FNBP1: variants seen among roughly 807,000 people sequenced by gnomAD.
The protein encoded by FNBP1 is formin binding protein 1.
In FNBP1, 26 loss-of-function variants were observed where a neutral mutation model predicts 90.6. That is an observed-to-expected ratio of 0.29 (90% CI 0.21 to 0.40). The LOEUF is 0.40. Ranked by LOEUF, FNBP1 falls within the 10% of genes least tolerant of loss-of-function variation. The pLI is 1.00. For synonymous variants in FNBP1, 260 were observed against 265.2 expected (o/e 0.98, Z 0.19); for missense variants, 635 against 768.0 (o/e 0.83, Z 2.05).
intron 2 of FNBP1, among the ~76,000 whole-genome samples, chr9:129,982,852 C>T (rs774244964): frequency 2.6e-5 from 4 of 152,092 alleles, no homozygotes; most frequent in Non-Finnish European, 4.4e-5. Context: ...TCTGTAGAGA[C>T]AGAGTCTTGC....
At chr9:129,989,421 C>T (rs56094421) in intron 2 of FNBP1, among the ~76,000 whole-genome samples, 1,619 of 152,220 alleles carry the variant, frequency 0.011, 42 homozygotes, top group African/African-American at 0.037. Context: ...CATAATTCCC[C>T]ATAAAGCAAA....
At chr9:129,990,076 A>G (rs1420505896) in intron 2 of FNBP1, among the ~76,000 whole-genome samples, 2 of 152,132 alleles carry the variant, frequency 1.3e-5, no homozygotes, top group African/African-American at 4.8e-5. Context: ...TTGCTAGAAG[A>G]GTAGATTTTA....
intron 6 of FNBP1, among the ~76,000 whole-genome samples, chr9:129,950,017 G>A (rs1233395731): frequency 6.6e-6 from 1 of 152,162 alleles, no homozygotes; most frequent in Non-Finnish European, 1.5e-5. Flanking sequence ...AATACAATTA[G>A]ATAATTTAAT....
rs189125591 is a variant in FNBP1 at position 129,993,838 on chromosome 9, G to A, written c.140+1005C>T. On this transcript the variant is annotated intron_variant, in intron 2 of 16. Coordinates refer to ENST00000446176, the MANE Select transcript of FNBP1 (RefSeq NM_015033.3). ...CGGGGTTTCACCATGTTGGCCAGGC[G>A]GGTCTCGAACTCCTGACCTCAGGCA... Among the ~76,000 whole-genome samples the A allele has an allele frequency of 1.0e-3, 155 of 151,714 alleles. 2 individuals carry two copies. In the East Asian group the frequency reaches 0.029, roughly 28 times the overall value.
rs143265586 is a variant in FNBP1, at chr9:130,030,368, G to C, written c.24+12584C>G. On this transcript the variant is annotated intron_variant, in intron 1 of 16. Coordinates refer to ENST00000446176, the MANE Select transcript of FNBP1 (RefSeq NM_015033.3). Reference sequence around the variant, plus strand: ...GAGAATCTCTTGAAACTGGGAGCCGGAGGTTGCAGTGAGCCGAGATTGCAC... The same window carrying C: ...GAGAATCTCTTGAAACTGGGAGCCGCAGGTTGCAGTGAGCCGAGATTGCAC... 4.9e-3 allele frequency among the ~76,000 whole-genome samples: 739 copies of C among 151,342 alleles called. 6 individuals are homozygous for C. The highest frequency in any genetic ancestry group is 0.017 in the Middle Eastern group (5 of 288).
At chr9:129,892,686 T>C (rs895733171) in intron 16 of FNBP1, among the ~76,000 whole-genome samples, 1 of 152,230 alleles carries the variant, frequency 6.6e-6, no homozygotes, top group Non-Finnish European at 1.5e-5. Flanking sequence ...GATAATAAAG[T>C]ATACTTTGGG....
intron 6 of FNBP1, among the ~76,000 whole-genome samples, chr9:129,934,235 T>A (rs142920451): frequency 6.6e-6 from 1 of 152,184 alleles, no homozygotes; most frequent in Admixed American, 6.5e-5. Context: ...CCATAAGCTA[T>A]TCTTTCAATT....
Position 129,957,468 on chromosome 9 carries a change from A to T in FNBP1, c.409-4T>A. The T allele has an allele frequency of 6.3e-7, 1 of 1,599,258 alleles. No individual in the cohort carries two copies. Among genetic ancestry groups the T allele is most frequent in the Non-Finnish European group, 8.6e-7 (1 of 1,167,016 alleles). On this transcript the variant is annotated splice_polypyrimidine_tract_variant and splice_region_variant and intron_variant, in intron 5 of 16. Coordinates refer to ENST00000446176, the MANE Select transcript of FNBP1 (RefSeq NM_015033.3). The surrounding 1 kb of genome is among the most constrained non-coding windows in gnomAD (Gnocchi z 4.3). ...CGCGTTCAAATCGCCTTTTACTCTA[A>T]AATCAGAGGAAAATAATTATGAAAC...
At chr9:129,924,156 G>A in intron 9 of FNBP1, 130 bp from the exon 10 acceptor site, 1 of 938,850 alleles carries the variant, frequency 1.1e-6, no homozygotes, top group Non-Finnish European at 1.5e-6. Flanking sequence ...TTAGGCCATG[G>A]TCCAAAAGAA....
chr9:129,996,518 T>C (rs1407091239), intron 1 of FNBP1, among the ~76,000 whole-genome samples: 1 of 152,230 alleles, frequency 6.6e-6, no homozygotes, highest in Non-Finnish European at 1.5e-5. Context: ...TTTCAAGTTT[T>C]AGTCATTTGC....
chr9:129,923,715 T>G lies in FNBP1; in HGVS notation c.1170+129A>C, dbSNP rs2041462470. 10 of 1,101,728 alleles carry G rather than the reference T, an allele frequency of 9.1e-6. No homozygotes were observed. In the East Asian group the frequency reaches 9.6e-5, roughly 11 times the overall value. 68.2% of individuals were successfully genotyped at this position (1,101,728 alleles called of 1,614,324 possible). A position where few individuals can be genotyped will look rare whatever the true frequency, so the allele number is the denominator to read the frequency against. The stretch of plus-strand genomic sequence containing the variant: ...TTTCTAGCTATAATGGTTTTTGTTT[T>G]TTTTTTTTTAACTTTTTTATATGTT... On this transcript the variant is annotated intron_variant, in intron 10 of 16. Transcript: ENST00000446176.
rs192183126 is a variant in FNBP1 at position 129,986,704 on chromosome 9, C to T, written c.141-7330G>A. 6.0e-3 allele frequency among the ~76,000 whole-genome samples: 906 copies of T among 151,922 alleles called. 8 individuals are homozygous for T. The highest frequency in any genetic ancestry group is 0.017 in the Middle Eastern group (5 of 294). ...ACTCGGGAGGCTGAGGCAGGAGAAC[C>T]GCTTGAACCTGGGAGGTGGAGCTTG... On this transcript the variant is annotated intron_variant, in intron 2 of 16. Coordinates refer to ENST00000446176, the MANE Select transcript of FNBP1 (RefSeq NM_015033.3).
At chr9:130,012,850 AG>A (rs569325961) in intron 1 of FNBP1, among the ~76,000 whole-genome samples, 274 of 152,298 alleles carry the variant, frequency 1.8e-3, no homozygotes, top group Non-Finnish European at 3.2e-3. Context: ...CATGTTAGCC[AG>A]GATGGTCTTG....
chr9:129,890,882 C>T lies in FNBP1; in HGVS notation c.1847-336G>A, dbSNP rs1056642099. Among the ~76,000 whole-genome samples, 2 of 152,188 alleles carry T rather than the reference C, an allele frequency of 1.3e-5. No individual in the cohort carries two copies. Among genetic ancestry groups the T allele is most frequent in the East Asian group, 1.9e-4 (1 of 5,190 alleles). On this transcript the variant is annotated intron_variant, in intron 16 of 16. Coordinates refer to ENST00000446176, the MANE Select transcript of FNBP1 (RefSeq NM_015033.3). This position sits in a 1 kb window ranked among gnomAD's most constrained non-coding sequence, Gnocchi z 5.8. Reference sequence around the variant, plus strand: ...GTAAGAAACGGAGGCCGGGGCTGGGCGCCGTGGCTCATGCCTGTAATCCCA... The same window carrying T: ...GTAAGAAACGGAGGCCGGGGCTGGGTGCCGTGGCTCATGCCTGTAATCCCA...
Position 129,951,956 on chromosome 9 carries a change from C to CCGAGT in FNBP1, c.513+5403_513+5404insACTCG, listed in dbSNP as rs564864169. 3.7e-3 allele frequency among the ~76,000 whole-genome samples: 555 copies of CCGAGT among 151,542 alleles called. 5 individuals carry two copies. The South Asian group carries it at 0.045, about 12-fold the overall frequency. On this transcript the variant is annotated intron_variant, in intron 6 of 16. Transcript: ENST00000446176. Reference sequence around the variant, plus strand: ...CCTGTAATCCCAGCCCTTTGGGAGGCCGAGGCGGGAGGATCACCTGAAGGC... The same window carrying CCGAGT: ...CCTGTAATCCCAGCCCTTTGGGAGGCCGAGTCGAGGCGGGAGGATCACCTGAAGGC...
intron 1 of FNBP1, among the ~76,000 whole-genome samples, chr9:130,034,849 A>T (rs1300976222): frequency 6.6e-6 from 1 of 152,214 alleles, no homozygotes; most frequent in Non-Finnish European, 1.5e-5. Flanking sequence ...GTGCACTACT[A>T]ACACAGAAGA....
chr9:129,979,005 G>A (rs1023657644), intron 3 of FNBP1, among the ~76,000 whole-genome samples: 4 of 152,164 alleles, frequency 2.6e-5, no homozygotes, highest in Admixed American at 6.5e-5. Flanking sequence ...TTGGATGAAT[G>A]ACTAGCATGA....
At position 129,994,857 on chromosome 9, in the gene FNBP1, A is replaced by G. The variant is rs1165983736; in HGVS notation, c.126T>C (p.Tyr42=). Residue 42 remains tyrosine, a synonymous_variant, in exon 2 of 17, where the codon TAT becomes TAC. Coordinates refer to ENST00000446176, the MANE Select transcript of FNBP1 (RefSeq NM_015033.3). The part of the protein sequence containing the change: ...VKERTEIELS[Y]AKQLRNLSKK... Reference sequence around the variant, plus strand: ...TATCAACTTACCTGAGTTGCTTTGCATAGCTGAGTTCAATCTCTGTCCTTT... The same window carrying G: ...TATCAACTTACCTGAGTTGCTTTGCGTAGCTGAGTTCAATCTCTGTCCTTT... 5 of 1,576,620 alleles carry G rather than the reference A, an allele frequency of 3.2e-6. No individual in the cohort carries two copies. Among genetic ancestry groups the G allele is most frequent in the Non-Finnish European group, 4.4e-6 (5 of 1,148,894 alleles).
At chr9:130,026,594 GC>G (rs1589349854) in intron 1 of FNBP1, among the ~76,000 whole-genome samples, 1 of 152,232 alleles carries the variant, frequency 6.6e-6, no homozygotes, top group East Asian at 1.9e-4. Context: ...GATCTGAGAT[GC>G]CTAACTTTAG....
Sources: gnomAD v4.1 joint callset for allele counts (sites outside exome capture counted in the v4.1 genomes callset) on GRCh38, gnomAD v4.1.1 for gene constraint, Gnocchi (gnomAD v3.1) non-coding constraint, MANE v1.5 for transcripts, NCBI Gene and HGNC (gene_info 2026-07-23, HGNC 2026-07-21) for gene names.